The following IGFBP7 variants were observed in gnomAD, a reference collection of about 807,000 sequenced individuals.
IGFBP7 encodes insulin-like growth factor-binding protein 7.
A neutral mutation model predicts 29.4 loss-of-function variants in IGFBP7; 31 were observed. That is an observed-to-expected ratio of 1.05 (90% confidence interval 0.79 to 1.42). The LOEUF is 1.42. IGFBP7 is among the 40% of genes most tolerant of loss of function. The probability of loss-of-function intolerance (pLI) is 0.00; values close to 1 mark genes in which losing one functional copy is unlikely to be tolerated. For missense variants in IGFBP7, 393 were observed against 395.5 expected (o/e 0.99, Z 0.05); for synonymous variants, 172 against 174.9 (o/e 0.98, Z 0.13).
At chr4:57,046,848 T>C (rs1351161726) in intron 1 of IGFBP7, among the ~76,000 whole-genome samples, 1 of 152,204 alleles carries the variant, frequency 6.6e-6, no homozygotes, top group Non-Finnish European at 1.5e-5. Context: ...CATTTTTCTA[T>C]CCAGATGACT....
chr4:57,076,452 A>G (rs990672679), intron 1 of IGFBP7, among the ~76,000 whole-genome samples: 1 of 152,190 alleles, frequency 6.6e-6, no homozygotes, highest in African/African-American at 2.4e-5. Context: ...CTCCTCCTTC[A>G]TTATTTAACC....
chr4:57,053,265 C>T (rs563737184), intron 1 of IGFBP7, among the ~76,000 whole-genome samples: 1 of 152,306 alleles, frequency 6.6e-6, no homozygotes, highest in African/African-American at 2.4e-5. Flanking sequence ...GATCTGCCCG[C>T]TTCGGGCTCC....
At position 57,094,070 on chromosome 4, in the gene IGFBP7, T is replaced by C. The variant is rs561645630; in HGVS notation, c.475+15807A>G. On this transcript the variant is annotated intron_variant, in intron 1 of 4. Transcript: ENST00000295666. ...TGGCTTACACAGGGACTCTCTTATA[T>C]TGAGTCTAACTCCCTCTTCTTTCTT... is the stretch of plus-strand genomic sequence containing the variant. Among the ~76,000 whole-genome samples, 21 of 152,296 alleles carry C rather than the reference T, an allele frequency of 1.4e-4. No individual in the cohort carries two copies. In the South Asian group the frequency reaches 4.4e-3, roughly 32 times the overall value.
chr4:57,092,136 C>T (rs530081782), intron 1 of IGFBP7, among the ~76,000 whole-genome samples: 6 of 152,266 alleles, frequency 3.9e-5, no homozygotes, highest in Non-Finnish European at 5.9e-5. Context: ...AAGTTTTTCC[C>T]GTTTACATCT....
intron 1 of IGFBP7, among the ~76,000 whole-genome samples, chr4:57,088,433 CA>C (rs1442304104): frequency 1.3e-5 from 2 of 152,162 alleles, no homozygotes; most frequent in East Asian, 3.9e-4. Flanking sequence ...TCATTTTCTC[CA>C]TATAATACCA....
At chr4:57,041,041 G>A (rs777375407) in intron 1 of IGFBP7, 108 bp from the exon 2 acceptor site, 5 of 752,290 alleles carry the variant, frequency 6.6e-6, no homozygotes, top group Non-Finnish European at 9.4e-6. Flanking sequence ...TCCCCTTGAT[G>A]GATTATCTGA....
At chr4:57,069,405 T>C (rs886724452) in intron 1 of IGFBP7, among the ~76,000 whole-genome samples, 13 of 151,982 alleles carry the variant, frequency 8.6e-5, no homozygotes, top group Non-Finnish European at 1.8e-4. Context: ...CTGGGCAACA[T>C]AGTGAGGTCT....
At chr4:57,079,711 A>G (rs35174788) in intron 1 of IGFBP7, among the ~76,000 whole-genome samples, 16,873 of 152,258 alleles carry the variant, frequency 0.11, 1,188 homozygotes, top group Non-Finnish European at 0.14. Flanking sequence ...TCTATATGAA[A>G]TCTTCCCAGT....
intron 1 of IGFBP7, among the ~76,000 whole-genome samples, chr4:57,067,478 A>G (rs1365597865): frequency 1.3e-5 from 2 of 152,232 alleles, no homozygotes; most frequent in Non-Finnish European, 2.9e-5. Flanking sequence ...TTCCATTTGT[A>G]TGAGGTATCT....
At chr4:57,105,051 A>G (rs891782927) in intron 1 of IGFBP7, among the ~76,000 whole-genome samples, 1 of 152,220 alleles carries the variant, frequency 6.6e-6, no homozygotes, top group Non-Finnish European at 1.5e-5. Flanking sequence ...GTTACAGTCT[A>G]GTGGGGAAGA....
Position 57,056,481 on chromosome 4 carries a change from G to A in IGFBP7, c.476-15548C>T, listed in dbSNP as rs1241024840. On this transcript the variant is annotated intron_variant, in intron 1 of 4. Coordinates refer to ENST00000295666, the MANE Select transcript of IGFBP7 (RefSeq NM_001553.3). ...GGAATTGAGAAGGTGCTAGATGTGGGTGCAGTAAACAGTCTGGGCCAGGAA... is the reference window on the plus strand; with the variant it reads ...GGAATTGAGAAGGTGCTAGATGTGGATGCAGTAAACAGTCTGGGCCAGGAA... Among the ~76,000 whole-genome samples the A allele has an allele frequency of 2.6e-5, 4 of 152,262 alleles. 1 individual carries two copies. Among genetic ancestry groups the A allele is most frequent in the Middle Eastern group, 6.8e-3 (2 of 294 alleles).
intron 1 of IGFBP7, among the ~76,000 whole-genome samples, chr4:57,063,179 A>G (rs965032299): frequency 2.0e-5 from 3 of 151,066 alleles, no homozygotes; most frequent in African/African-American, 7.3e-5. Context: ...GATATCCTGT[A>G]TGTCTCAGAT....
intron 2 of IGFBP7, among the ~76,000 whole-genome samples, chr4:57,039,068 A>AAAT: frequency 1.5e-5 from 1 of 64,766 alleles, no homozygotes. Context: ...TATGTCTCAA[A>AAAT]AAAAAAAAAA....
At chr4:57,054,453 T>G (rs909315809) in intron 1 of IGFBP7, among the ~76,000 whole-genome samples, 9 of 151,750 alleles carry the variant, frequency 5.9e-5, no homozygotes, top group Non-Finnish European at 1.0e-4. Flanking sequence ...GCTAACATGG[T>G]GAAAACCCGT....
chr4:57,032,574 G>C, intron 3 of IGFBP7, 22 bp from the exon 4 acceptor site: 1 of 1,566,630 alleles, frequency 6.4e-7, no homozygotes, highest in African/African-American at 1.3e-5. Flanking sequence ...AAAAGATCTA[G>C]TATTCCTCTG....
intron 1 of IGFBP7, among the ~76,000 whole-genome samples, chr4:57,107,383 C>T (rs1301932314): frequency 6.6e-6 from 1 of 152,174 alleles, no homozygotes; most frequent in Non-Finnish European, 1.5e-5. Context: ...TAGAAGGGAA[C>T]CTAGAGGTCT....
intron 1 of IGFBP7, among the ~76,000 whole-genome samples, chr4:57,050,081 G>A (rs1325973372): frequency 2.0e-5 from 3 of 151,522 alleles, no homozygotes; most frequent in African/African-American, 7.3e-5. Context: ...ATATGACCAG[G>A]AGATGCAAAT....
intron 1 of IGFBP7, among the ~76,000 whole-genome samples, chr4:57,046,200 C>G (rs1369028185): frequency 6.6e-6 from 1 of 151,922 alleles, no homozygotes; most frequent in African/African-American, 2.4e-5. Flanking sequence ...AATGCCAGCC[C>G]CAACAATGCT....
intron 1 of IGFBP7, among the ~76,000 whole-genome samples, chr4:57,101,499 A>G (rs952379061): frequency 1.3e-5 from 2 of 152,158 alleles, no homozygotes; most frequent in African/African-American, 4.8e-5. Context: ...GGTGAGGCTT[A>G]CTGTTAGCTC....
Sources: allele counts gnomAD v4.1 joint callset (sites outside exome capture counted in the v4.1 genomes callset), GRCh38; gene constraint gnomAD v4.1.1; transcripts MANE v1.5; gene names NCBI Gene and HGNC (gene_info 2026-07-23, HGNC 2026-07-21).